The following NAV2 variants were observed in gnomAD, a reference collection of about 807,000 sequenced individuals.
NAV2 encodes neuron navigator 2.
Under a neutral mutation model 223.2 loss-of-function variants are expected in NAV2, and 54 were observed. That is an observed-to-expected ratio of 0.24 (90% CI 0.19 to 0.30). The LOEUF (loss-of-function observed/expected upper bound fraction) is 0.30. Among genes scored for constraint, NAV2 ranks in the 10% least tolerant of loss-of-function variants. The pLI, the probability that NAV2 is intolerant of heterozygous loss-of-function variation, is 1.00. For missense variants in NAV2, 2,806 were observed against 3,147.5 expected (o/e 0.89, Z 2.60); for synonymous variants, 1,279 against 1,239.3 (o/e 1.03, Z -0.67).
intron 1 of NAV2, among the ~76,000 whole-genome samples, chr11:19,760,325 AG>A (rs1335080419): frequency 2.0e-5 from 3 of 152,204 alleles, no homozygotes; most frequent in African/African-American, 7.2e-5. Flanking sequence ...GCAATCCAGT[AG>A]GTTTATAAGA....
chr11:20,026,435 C>T (rs915734224), intron 11 of NAV2, among the ~76,000 whole-genome samples: 4 of 152,026 alleles, frequency 2.6e-5, no homozygotes, highest in African/African-American at 4.8e-5. Flanking sequence ...CTCAGCCTCC[C>T]GAGTAGCTAG....
At chr11:19,660,838 G>A (rs1419753163) in intron 1 of NAV2, among the ~76,000 whole-genome samples, 1 of 152,162 alleles carries the variant, frequency 6.6e-6, no homozygotes, top group Non-Finnish European at 1.5e-5. Context: ...TATAGTAGTA[G>A]TAGCAATCAT....
intron 1 of NAV2, among the ~76,000 whole-genome samples, chr11:19,484,127 A>ACACAC (rs140586290): frequency 6.9e-6 from 1 of 144,792 alleles, no homozygotes; most frequent in South Asian, 2.3e-4. Context: ...ACTGATCACA[A>ACACAC]ACACACACAC....
intron 32 of NAV2, among the ~76,000 whole-genome samples, chr11:20,102,173 C>T (rs933017830): frequency 6.6e-6 from 1 of 152,136 alleles, no homozygotes; most frequent in Non-Finnish European, 1.5e-5. Flanking sequence ...GCTCCGCAGG[C>T]ATGGGGAGCC....
intron 1 of NAV2, among the ~76,000 whole-genome samples, chr11:19,675,053 T>G (rs899013672): frequency 6.6e-6 from 1 of 152,148 alleles, no homozygotes; most frequent in Non-Finnish European, 1.5e-5. Context: ...AGAGACCTCA[T>G]GGCCACATCC....
intron 1 of NAV2, among the ~76,000 whole-genome samples, chr11:19,674,665 C>T (rs373090010): frequency 6.6e-6 from 1 of 152,196 alleles, no homozygotes; most frequent in East Asian, 1.9e-4. Flanking sequence ...GCAGGTTTTC[C>T]TGAGCCTCAG....
intron 1 of NAV2, among the ~76,000 whole-genome samples, chr11:19,515,748 T>G (rs1320007013): frequency 1.3e-5 from 2 of 152,202 alleles, no homozygotes; most frequent in Non-Finnish European, 2.9e-5. Context: ...GTTACTGCGA[T>G]TCAGGAAGTG....
intron 1 of NAV2, chr11:19,505,976 G>A (rs1471145189): frequency 1.3e-5 from 2 of 152,206 alleles, no homozygotes; most frequent in East Asian, 1.9e-4. Flanking sequence ...ACACCCAGAA[G>A]GTCACTGCAC....
At position 19,872,089 on chromosome 11, in the gene NAV2, C is replaced by T. The variant is rs140544203; in HGVS notation, c.511+3092C>T. 7.6e-4 allele frequency among the ~76,000 whole-genome samples: 115 copies of T among 152,252 alleles called. 1 individual carries two copies. Among genetic ancestry groups the T allele is most frequent in the African/African-American group, 2.6e-3 (110 of 41,530 alleles). ...CATTCCTTTGGGAAAGTGGCCCCAACGTCTGCCACATTCTCAAACTTACAA... is the reference window on the plus strand; with the variant it reads ...CATTCCTTTGGGAAAGTGGCCCCAATGTCTGCCACATTCTCAAACTTACAA... On this transcript the variant is annotated intron_variant, in intron 4 of 37. Transcript: ENST00000349880.
At chr11:19,697,413 A>G (rs1386645545) in intron 1 of NAV2, among the ~76,000 whole-genome samples, 3 of 152,050 alleles carry the variant, frequency 2.0e-5, no homozygotes. Flanking sequence ...CTGCACATAT[A>G]TCCTTTAATC....
At chr11:19,678,722 G>A (rs533700340) in intron 1 of NAV2, among the ~76,000 whole-genome samples, 7 of 152,322 alleles carry the variant, frequency 4.6e-5, no homozygotes, top group Admixed American at 2.6e-4. Context: ...ATCATCTTCC[G>A]AGATACCACA....
intron 1 of NAV2, among the ~76,000 whole-genome samples, chr11:19,414,313 G>A (rs1850273129): frequency 6.6e-6 from 1 of 152,158 alleles, no homozygotes; most frequent in Non-Finnish European, 1.5e-5. Context: ...TGATAAAACA[G>A]ACTTTAAACC....
intron 1 of NAV2, among the ~76,000 whole-genome samples, chr11:19,355,027 G>C (rs1396697039): frequency 6.6e-6 from 1 of 152,172 alleles, no homozygotes; most frequent in Non-Finnish European, 1.5e-5. Flanking sequence ...GAGACAGGGG[G>C]CTTCTGCATA....
chr11:19,928,348 T>C (rs1408143337), intron 6 of NAV2, among the ~76,000 whole-genome samples: 6 of 152,242 alleles, frequency 3.9e-5, no homozygotes, highest in Non-Finnish European at 8.8e-5. Context: ...ATATGACTTT[T>C]AAAATATAAA....
At chr11:19,419,410 C>T (rs529024238) in intron 1 of NAV2, among the ~76,000 whole-genome samples, 25 of 152,246 alleles carry the variant, frequency 1.6e-4, no homozygotes, top group African/African-American at 5.8e-4. Context: ...GCAATGCAGG[C>T]AGAACTTTTT....
intron 1 of NAV2, among the ~76,000 whole-genome samples, chr11:19,600,506 C>T (rs1399883763): frequency 6.6e-6 from 1 of 152,154 alleles, no homozygotes; most frequent in East Asian, 1.9e-4. Context: ...TACTGATCCC[C>T]CAAAACTTTT....
chr11:19,751,459 C>T (rs2053811388), intron 1 of NAV2, among the ~76,000 whole-genome samples: 1 of 152,108 alleles, frequency 6.6e-6, no homozygotes, highest in South Asian at 2.1e-4. Context: ...GAAGGATGCC[C>T]CCAGAAGTTT....
At chr11:19,686,364 C>T (rs1281074289) in intron 1 of NAV2, among the ~76,000 whole-genome samples, 1 of 152,142 alleles carries the variant, frequency 6.6e-6, no homozygotes, top group Non-Finnish European at 1.5e-5. Flanking sequence ...TCCCAGTTGT[C>T]CCCAACACTG....
At chr11:19,603,396 G>A (rs1003597001) in intron 1 of NAV2, among the ~76,000 whole-genome samples, 1 of 152,106 alleles carries the variant, frequency 6.6e-6, no homozygotes, top group Non-Finnish European at 1.5e-5. Context: ...GGGAGGCCAA[G>A]GCAGGTGGAT....
Sources: gnomAD v4.1 joint callset for allele counts (sites outside exome capture counted in the v4.1 genomes callset) on GRCh38, gnomAD v4.1.1 for gene constraint, MANE v1.5 for transcripts, NCBI Gene and HGNC (gene_info 2026-07-23, HGNC 2026-07-21) for gene names.